Variants in PALLD observed in about 807,000 individuals in gnomAD.
PALLD encodes the protein palladin, cytoskeletal associated protein.
A neutral mutation model predicts 123.5 loss-of-function variants in PALLD; 61 were observed. The ratio of observed to expected loss-of-function variants is 0.49; its 90% confidence interval spans 0.40 to 0.61. PALLD has a LOEUF of 0.61. Ranked by LOEUF, PALLD falls within the 20% of genes least tolerant of loss-of-function variation. The probability of loss-of-function intolerance (pLI) is 0.00; values close to 1 mark genes in which losing one functional copy is unlikely to be tolerated. For synonymous variants in PALLD, 465 were observed against 496.4 expected (o/e 0.94, Z 0.84); for missense variants, 1,273 against 1,377.0 (o/e 0.92, Z 1.20).
At chr4:168,793,712 C>T (rs114781780) in intron 10 of PALLD, among the ~76,000 whole-genome samples, 111 of 152,232 alleles carry the variant, frequency 7.3e-4, no homozygotes, top group African/African-American at 2.5e-3. Flanking sequence ...CATAAAGATA[C>T]GCACAGGAAG....
In PALLD at chr4:168,764,820, G is replaced by A. The variant is rs184596416; in HGVS notation, c.1964+52897G>A. Among the ~76,000 whole-genome samples, 22 of 152,016 alleles carry A rather than the reference G, an allele frequency of 1.4e-4. No individual in the cohort carries two copies. The East Asian group carries it at 3.3e-3, about 23-fold the overall frequency. ...TCTCTAACCTGCTCCTTTGGTTCCC[G>A]CACCTCTCTTGGCTCCAGGTGTCAA... On this transcript the variant is annotated intron_variant, in intron 10 of 21. Coordinates refer to ENST00000505667, the MANE Select transcript of PALLD (RefSeq NM_001166108.2).
chr4:168,548,736 A>G (rs2149531477), intron 2 of PALLD, among the ~76,000 whole-genome samples: 1 of 152,340 alleles, frequency 6.6e-6, no homozygotes, highest in Admixed American at 6.5e-5. Flanking sequence ...TACAAGTCTT[A>G]TTTTTAAAAC....
At chr4:168,738,444 C>G (rs6850545) in intron 10 of PALLD, among the ~76,000 whole-genome samples, 1 of 151,288 alleles carries the variant, frequency 6.6e-6, no homozygotes, top group African/African-American at 2.4e-5. Context: ...TATTTTTATT[C>G]TTTTGAGATG....
chr4:168,569,013 T>C (rs1768697625), intron 2 of PALLD, among the ~76,000 whole-genome samples: 1 of 152,062 alleles, frequency 6.6e-6, no homozygotes. Flanking sequence ...AGGAAAGAAA[T>C]TATCTCCTGG....
At chr4:168,652,817 C>T (rs1211155515) in intron 2 of PALLD, among the ~76,000 whole-genome samples, 2 of 152,012 alleles carry the variant, frequency 1.3e-5, no homozygotes, top group African/African-American at 4.8e-5. Context: ...CTAGTGTGTC[C>T]CCAATAAACC....
intron 2 of PALLD, among the ~76,000 whole-genome samples, chr4:168,563,562 AT>A (rs940625861): frequency 3.3e-5 from 5 of 152,182 alleles, no homozygotes; most frequent in Non-Finnish European, 7.3e-5. Context: ...TTTGTTAGTA[AT>A]TTTAATTTGT....
At chr4:168,539,045 T>G (rs1765358760) in intron 2 of PALLD, among the ~76,000 whole-genome samples, 1 of 152,218 alleles carries the variant, frequency 6.6e-6, no homozygotes, top group Non-Finnish European at 1.5e-5. Flanking sequence ...GTCATAAAAC[T>G]AGCTCATAGA....
At chr4:168,903,628 T>C in intron 14 of PALLD, 129 bp from the exon 15 acceptor site, 2 of 740,492 alleles carry the variant, frequency 2.7e-6, no homozygotes, top group South Asian at 1.5e-5. Context: ...CTTAGTCAGG[T>C]ATTTGGTTTA....
intron 3 of PALLD, among the ~76,000 whole-genome samples, chr4:168,673,543 G>C (rs924049733): frequency 2.6e-5 from 4 of 152,190 alleles, no homozygotes; most frequent in Non-Finnish European, 4.4e-5. Context: ...CGTTAGTTTG[G>C]CTAAATAAAA....
rs949263204 is a variant in PALLD at position 168,630,004 on chromosome 4, G to A, written c.909-38186G>A. Among the ~76,000 whole-genome samples, 16 of 152,230 alleles carry A rather than the reference G, an allele frequency of 1.1e-4. No homozygotes were observed. The South Asian group carries it at 2.7e-3, about 26-fold the overall frequency. On this transcript the variant is annotated intron_variant, in intron 2 of 21. Transcript: ENST00000505667. ...ATTCACAGGTTTAGCGAAAGTAGTT[G>A]GAGGGGCTTCTTCAGATTTCTGCGC...
At chr4:168,838,739 T>C (rs1319473308) in intron 10 of PALLD, among the ~76,000 whole-genome samples, 2 of 148,600 alleles carry the variant, frequency 1.3e-5, no homozygotes, top group Non-Finnish European at 3.0e-5. Flanking sequence ...ACTATGTGTA[T>C]GGTTAATGCT....
chr4:168,802,786 G>A (rs1313639265), intron 10 of PALLD, among the ~76,000 whole-genome samples: 2 of 152,186 alleles, frequency 1.3e-5, no homozygotes, highest in East Asian at 1.9e-4. Context: ...TGCCTCCTGG[G>A]TTCAAGCGAT....
At chr4:168,760,420 G>T (rs1184347784) in intron 10 of PALLD, among the ~76,000 whole-genome samples, 4 of 152,076 alleles carry the variant, frequency 2.6e-5, no homozygotes, top group Non-Finnish European at 5.9e-5. Flanking sequence ...ATACCAAATT[G>T]CAGCATGGGA....
At chr4:168,648,545 G>C (rs1327384068) in intron 2 of PALLD, 2 of 152,196 alleles carry the variant, frequency 1.3e-5, no homozygotes, top group Non-Finnish European at 2.9e-5. Flanking sequence ...CCGAGGGTTT[G>C]GGGAGCCTCT....
chr4:168,866,098 T>TA (rs11398682), intron 10 of PALLD, among the ~76,000 whole-genome samples: 26,976 of 138,584 alleles, frequency 0.19, 2,935 homozygotes, highest in East Asian at 0.43. Context: ...CTGTCTCTAC[T>TA]AAAAAAAAAA....
intron 2 of PALLD, among the ~76,000 whole-genome samples, chr4:168,644,728 T>C (rs1777276273): frequency 6.6e-6 from 1 of 152,208 alleles, no homozygotes. Context: ...CCTGTGTTCC[T>C]TTTTCGTGCC....
intron 5 of PALLD, among the ~76,000 whole-genome samples, chr4:168,685,151 T>C (rs1281182984): frequency 6.6e-6 from 1 of 152,210 alleles, no homozygotes; most frequent in Non-Finnish European, 1.5e-5. Flanking sequence ...AAAAATAAAA[T>C]ACATTGTCTA....
intron 2 of PALLD, among the ~76,000 whole-genome samples, chr4:168,657,420 G>A (rs1044256362): frequency 3.9e-5 from 6 of 152,128 alleles, no homozygotes; most frequent in African/African-American, 1.4e-4. Flanking sequence ...TGCATTTCAC[G>A]AATAAGGAAA....
intron 2 of PALLD, among the ~76,000 whole-genome samples, chr4:168,554,982 G>A (rs893957450): frequency 8.5e-5 from 13 of 152,092 alleles, no homozygotes; most frequent in East Asian, 1.9e-4. Context: ...GTTTGCCTTC[G>A]TAGGGCATAA....
Sources: allele counts gnomAD v4.1 joint callset (sites outside exome capture counted in the v4.1 genomes callset), GRCh38; gene constraint gnomAD v4.1.1; transcripts MANE v1.5; gene names NCBI Gene and HGNC (gene_info 2026-07-23, HGNC 2026-07-21).